Variants in MARCHF1 observed in about 807,000 individuals in gnomAD.
MARCHF1 encodes the protein membrane associated ring-CH-type finger 1.
In MARCHF1, 40 loss-of-function variants were observed where a neutral mutation model predicts 54.2. The ratio of observed to expected loss-of-function variants is 0.74; its 90% CI spans 0.57 to 0.96. MARCHF1 has a LOEUF of 0.96. Ranked by LOEUF, MARCHF1 falls within the 40% of genes least tolerant of loss-of-function variation. MARCHF1 has a pLI of 0.00. For synonymous variants in MARCHF1, 236 were observed against 236.3 expected (o/e 1.00, Z 0.01); for missense variants, 586 against 656.5 (o/e 0.89, Z 1.17).
chr4:164,002,176 A>G (rs1467201018), intron 2 of MARCHF1, among the ~76,000 whole-genome samples: 2 of 151,730 alleles, frequency 1.3e-5, no homozygotes, highest in East Asian at 1.9e-4. Flanking sequence ...AATATTCACA[A>G]TATCTGGCAT....
intron 1 of MARCHF1, among the ~76,000 whole-genome samples, chr4:164,229,622 G>C (rs1381778642): frequency 6.6e-6 from 1 of 152,144 alleles, no homozygotes; most frequent in East Asian, 1.9e-4. Flanking sequence ...AATTTATAAA[G>C]AAAAGAGGTT....
At chr4:163,585,692 A>G (rs888976396) in intron 8 of MARCHF1, 57 bp downstream of exon 8, 2 of 1,347,198 alleles carry the variant, frequency 1.5e-6, no homozygotes, top group African/African-American at 2.9e-5. Flanking sequence ...ATAGATTTCT[A>G]AAACAAGTCT....
intron 5 of MARCHF1, among the ~76,000 whole-genome samples, chr4:163,632,315 T>C (rs1175005394): frequency 6.6e-6 from 1 of 152,212 alleles, no homozygotes; most frequent in African/African-American, 2.4e-5. Context: ...GGGTGATTTC[T>C]GCATTTCCAT....
At chr4:164,347,229 C>T (rs1422961097) in intron 1 of MARCHF1, among the ~76,000 whole-genome samples, 1 of 152,140 alleles carries the variant, frequency 6.6e-6, no homozygotes, top group African/African-American at 2.4e-5. Flanking sequence ...TCTAGAACAC[C>T]TCTTTTGAAT....
rs28494816 is a variant in MARCHF1, at chr4:164,259,566, G to A, written c.-323+124304C>T. On this transcript the variant is annotated intron_variant, in intron 1 of 9. Coordinates refer to ENST00000514618, the MANE Select transcript of MARCHF1 (RefSeq NM_001394959.1). Reference sequence around the variant, plus strand: ...TCTCAAAAAAAAAAAAAAAAAAAAAGAAAAAAGAAAAAGAAAAAAGAAAAA... The same window carrying A: ...TCTCAAAAAAAAAAAAAAAAAAAAAAAAAAAAGAAAAAGAAAAAAGAAAAA... Among the ~76,000 whole-genome samples, 820 of 102,040 alleles carry A rather than the reference G, an allele frequency of 8.0e-3. 1 individual carries two copies. Among genetic ancestry groups the A allele is most frequent in the African/African-American group, 0.018 (481 of 26,978 alleles). The allele number at this position is 102,040 out of a possible 152,430, so 66.9% of individuals were successfully genotyped here.
chr4:164,119,988 A>T (rs1756030689), intron 1 of MARCHF1, among the ~76,000 whole-genome samples: 1 of 151,972 alleles, frequency 6.6e-6, no homozygotes, highest in South Asian at 2.1e-4. Flanking sequence ...CATTATTTTT[A>T]TGAAGTGAAT....
chr4:164,340,282 G>T (rs1385244921), intron 1 of MARCHF1, among the ~76,000 whole-genome samples: 2 of 148,920 alleles, frequency 1.3e-5, no homozygotes, highest in Non-Finnish European at 3.0e-5. Context: ...TGTCACCCAG[G>T]CTGGAGTGCA....
chr4:163,886,769 C>T (rs1560803842), intron 3 of MARCHF1, among the ~76,000 whole-genome samples: 2 of 152,042 alleles, frequency 1.3e-5, no homozygotes. Context: ...CCTAAAAGAT[C>T]CTTGATGATA....
At chr4:164,105,421 A>G (rs963348181) in intron 2 of MARCHF1, among the ~76,000 whole-genome samples, 1 of 150,638 alleles carries the variant, frequency 6.6e-6, no homozygotes, top group African/African-American at 2.5e-5. Flanking sequence ...ACAGAGATAT[A>G]GATCAATGGA....
intron 1 of MARCHF1, among the ~76,000 whole-genome samples, chr4:164,115,692 T>C (rs765600890): frequency 6.6e-6 from 1 of 152,110 alleles, no homozygotes; most frequent in Non-Finnish European, 1.5e-5. Context: ...GGTGTAAGTT[T>C]GGTATAACAA....
chr4:163,956,993 T>C (rs1298417660), intron 3 of MARCHF1, among the ~76,000 whole-genome samples: 1 of 152,078 alleles, frequency 6.6e-6, no homozygotes. Context: ...AAAATGATTT[T>C]TATTTTTCTT....
At chr4:164,152,081 T>C (rs1252168406) in intron 1 of MARCHF1, among the ~76,000 whole-genome samples, 2 of 152,130 alleles carry the variant, frequency 1.3e-5, no homozygotes, top group Non-Finnish European at 2.9e-5. Flanking sequence ...ATAAAATCCT[T>C]GCCCTTATGA....
intron 4 of MARCHF1, among the ~76,000 whole-genome samples, chr4:163,702,897 T>C (rs1038773659): frequency 6.6e-6 from 1 of 152,156 alleles, no homozygotes; most frequent in Admixed American, 6.6e-5. Context: ...AAGAGGAAAG[T>C]GCATCAGAAA....
At chr4:164,042,279 G>C (rs958533970) in intron 2 of MARCHF1, among the ~76,000 whole-genome samples, 3 of 152,056 alleles carry the variant, frequency 2.0e-5, no homozygotes, top group Non-Finnish European at 4.4e-5. Context: ...AGAACTACTT[G>C]AGACTGAGTA....
At chr4:164,380,366 T>A (rs1365480304) in intron 1 of MARCHF1, among the ~76,000 whole-genome samples, 1 of 152,240 alleles carries the variant, frequency 6.6e-6, no homozygotes, top group Admixed American at 6.5e-5. Context: ...CACTAGTTCA[T>A]TTGCTATGCA....
At chr4:164,002,354 G>T (rs932927051) in intron 2 of MARCHF1, among the ~76,000 whole-genome samples, 1 of 151,190 alleles carries the variant, frequency 6.6e-6, no homozygotes, top group Non-Finnish European at 1.5e-5. Context: ...ATCGATATAA[G>T]TAAAAAAACA....
rs1429953880 is a variant in MARCHF1, at chr4:163,887,397, G to T, written c.-38-33228C>A. On this transcript the variant is annotated intron_variant, in intron 3 of 9. Transcript: ENST00000514618. The stretch of plus-strand genomic sequence containing the variant: ...AGAGTAAATGTCCTGAACTGGCAAA[G>T]AATTTTGTTTCTAAAGAAAAGAAAA... Among the ~76,000 whole-genome samples the T allele has an allele frequency of 2.0e-5, 3 of 152,134 alleles. No individual in the cohort carries two copies. The East Asian group carries it at 5.8e-4, about 29-fold the overall frequency.
At chr4:163,591,091 T>A (rs987108295) in intron 7 of MARCHF1, among the ~76,000 whole-genome samples, 1 of 151,720 alleles carries the variant, frequency 6.6e-6, no homozygotes, top group African/African-American at 2.4e-5. Flanking sequence ...TATTGTCACT[T>A]AATTGATCAC....
At chr4:163,600,515 T>C (rs1041021277) in intron 7 of MARCHF1, among the ~76,000 whole-genome samples, 7 of 152,190 alleles carry the variant, frequency 4.6e-5, no homozygotes, top group Admixed American at 1.3e-4. Context: ...GACTGTGGAA[T>C]GCTGATTGGA....
Sources: gnomAD v4.1 joint callset for allele counts (sites outside exome capture counted in the v4.1 genomes callset) on GRCh38, gnomAD v4.1.1 for gene constraint, MANE v1.5 for transcripts, NCBI Gene and HGNC (gene_info 2026-07-23, HGNC 2026-07-21) for gene names.